The following SYT1 variants were observed in gnomAD, a reference collection of about 807,000 sequenced individuals.
SYT1 encodes the protein synaptotagmin-1.
Under a neutral mutation model 44.8 loss-of-function variants are expected in SYT1, and 8 were observed. That is an observed-to-expected ratio of 0.18 (90% CI 0.10 to 0.32). SYT1 has a LOEUF of 0.32. Among genes scored for constraint, SYT1 ranks in the 10% least tolerant of loss-of-function variants. The pLI, the probability that SYT1 is intolerant of heterozygous loss-of-function variation, is 1.00. For missense variants in SYT1, 286 were observed against 509.3 expected (o/e 0.56, Z 4.22); for synonymous variants, 154 against 188.8 (o/e 0.82, Z 1.51).
At chr12:78,907,448 ATATAT>A (rs1362358420) in intron 1 of SYT1, among the ~76,000 whole-genome samples, 2 of 151,904 alleles carry the variant, frequency 1.3e-5, no homozygotes, top group Non-Finnish European at 2.9e-5. Flanking sequence ...ATATTACATA[ATATAT>A]TATATATTAG....
intron 3 of SYT1, among the ~76,000 whole-genome samples, chr12:79,076,707 G>A (rs1334666937): frequency 2.6e-5 from 4 of 152,118 alleles, no homozygotes; most frequent in East Asian, 3.9e-4. Flanking sequence ...TTGGGAGGCC[G>A]AGGCAGGCAG....
At chr12:78,925,613 G>C (rs1326741044) in intron 1 of SYT1, among the ~76,000 whole-genome samples, 1 of 151,834 alleles carries the variant, frequency 6.6e-6, no homozygotes, top group African/African-American at 2.4e-5. Context: ...ACTCAAGAAG[G>C]TGTAAGTCCA....
chr12:79,024,001 C>A (rs140295167), intron 2 of SYT1, among the ~76,000 whole-genome samples: 1 of 151,786 alleles, frequency 6.6e-6, no homozygotes, highest in Non-Finnish European at 1.5e-5. Flanking sequence ...TAACACATAG[C>A]TGGAGTTGTT....
At chr12:79,021,468 G>C (rs1872189396) in intron 2 of SYT1, among the ~76,000 whole-genome samples, 1 of 151,660 alleles carries the variant, frequency 6.6e-6, no homozygotes, top group Admixed American at 6.6e-5. Context: ...AGATAGTGAG[G>C]AGATGAGCCT....
chr12:79,281,770 GTCT>G (rs1879064772), intron 4 of SYT1, among the ~76,000 whole-genome samples: 1 of 152,084 alleles, frequency 6.6e-6, no homozygotes, highest in South Asian at 2.1e-4. Flanking sequence ...ATCTCTTGAG[GTCT>G]TCTTTGTATC....
intron 9 of SYT1, among the ~76,000 whole-genome samples, chr12:79,385,344 A>G (rs186936247): frequency 3.3e-5 from 5 of 152,176 alleles, no homozygotes; most frequent in Non-Finnish European, 5.9e-5. Context: ...TTTTTTTTCC[A>G]AACTCTACAT....
chr12:79,024,985 C>T (rs1872433926), intron 2 of SYT1, among the ~76,000 whole-genome samples: 1 of 151,900 alleles, frequency 6.6e-6, no homozygotes, highest in East Asian at 1.9e-4. Context: ...GCAGAACACA[C>T]TTATTTAAAA....
chr12:79,356,465 G>A (rs1883116834), intron 9 of SYT1, among the ~76,000 whole-genome samples: 1 of 152,052 alleles, frequency 6.6e-6, no homozygotes, highest in Non-Finnish European at 1.5e-5. Context: ...GCTATGGCCT[G>A]AAAAAACAAG....
At chr12:78,978,496 G>A (rs1262054781) in intron 2 of SYT1, among the ~76,000 whole-genome samples, 1 of 152,162 alleles carries the variant, frequency 6.6e-6, no homozygotes, top group East Asian at 1.9e-4. Flanking sequence ...ACATATGTTA[G>A]AGTACATAAT....
intron 1 of SYT1, among the ~76,000 whole-genome samples, chr12:78,884,184 A>G (rs1291770024): frequency 6.6e-6 from 1 of 151,676 alleles, no homozygotes; most frequent in Non-Finnish European, 1.5e-5. Context: ...TAAAATCAAC[A>G]TTCCATGATA....
chr12:79,337,970 T>C (rs532905640), intron 8 of SYT1, among the ~76,000 whole-genome samples: 1 of 152,328 alleles, frequency 6.6e-6, no homozygotes, highest in East Asian at 1.9e-4. Flanking sequence ...AAAATTGGAT[T>C]TGACCCAGAA....
intron 1 of SYT1, among the ~76,000 whole-genome samples, chr12:78,943,329 A>T (rs564639573): frequency 6.6e-6 from 1 of 152,294 alleles, no homozygotes; most frequent in African/African-American, 2.4e-5. Flanking sequence ...TGGCATCTGC[A>T]CAGCTTCTGG....
At chr12:79,248,463 C>T (rs1876983827) in intron 4 of SYT1, among the ~76,000 whole-genome samples, 1 of 152,114 alleles carries the variant, frequency 6.6e-6, no homozygotes, top group South Asian at 2.1e-4. Context: ...AGAGACCTTT[C>T]TTGCCTCCTT....
intron 4 of SYT1, among the ~76,000 whole-genome samples, chr12:79,229,568 TA>T (rs1381793023): frequency 1.3e-5 from 2 of 151,472 alleles, no homozygotes; most frequent in South Asian, 2.1e-4. Flanking sequence ...AAAGTTCACC[TA>T]AAGCAGTAGG....
intron 1 of SYT1, among the ~76,000 whole-genome samples, chr12:78,912,653 G>T (rs1256981858): frequency 6.6e-6 from 1 of 151,864 alleles, no homozygotes; most frequent in Non-Finnish European, 1.5e-5. Flanking sequence ...AGTGAATTTG[G>T]AAATAACAGG....
intron 8 of SYT1, among the ~76,000 whole-genome samples, chr12:79,320,707 C>T (rs1413633618): frequency 6.7e-5 from 10 of 148,152 alleles, no homozygotes; most frequent in South Asian, 2.1e-4. Context: ...CTGCAACCTC[C>T]GCCTCCTGGG....
chr12:79,276,796 G>A (rs1045770123), intron 4 of SYT1, among the ~76,000 whole-genome samples: 6 of 151,894 alleles, frequency 4.0e-5, no homozygotes, highest in Admixed American at 3.9e-4. Context: ...TTAAGAGCTT[G>A]AAGATGAGGC....
chr12:79,365,657 C>T lies in SYT1; in HGVS notation c.928+12038C>T, dbSNP rs371553207. Reference sequence around the variant, plus strand: ...ATTTTATTAATGTTCCTAAAATTTACTTGCTGCTGCTTCTACTACTGGCTG... The same window carrying T: ...ATTTTATTAATGTTCCTAAAATTTATTTGCTGCTGCTTCTACTACTGGCTG... On this transcript the variant is annotated intron_variant, in intron 9 of 10. Transcript: ENST00000261205. Among the ~76,000 whole-genome samples, 64 of 152,088 alleles carry T rather than the reference C, an allele frequency of 4.2e-4. No homozygotes were observed. In the South Asian group the frequency reaches 0.012, roughly 30 times the overall value.
chr12:78,979,675 C>A (rs1001463368), intron 2 of SYT1, among the ~76,000 whole-genome samples: 1 of 152,132 alleles, frequency 6.6e-6, no homozygotes, highest in South Asian at 2.1e-4. Context: ...TTGTTTATTT[C>A]ACCTTTAATA....
Sources: allele counts gnomAD v4.1 joint callset (sites outside exome capture counted in the v4.1 genomes callset), GRCh38; gene constraint gnomAD v4.1.1; transcripts MANE v1.5; gene names NCBI Gene and HGNC (gene_info 2026-07-23, HGNC 2026-07-21).